The following CCT6B variants were observed in gnomAD, a reference collection of about 807,000 sequenced individuals.
CCT6B encodes probable T-complex protein 1 subunit zeta-2.
CCT6B carries 49 observed loss-of-function variants against 61.5 expected under a neutral mutation model. The observed-to-expected ratio is 0.80, with a 90% CI of 0.63 to 1.01. The LOEUF is 1.01. Among genes scored for constraint, CCT6B ranks in the 50% least tolerant of loss-of-function variants. The probability of loss-of-function intolerance (pLI) is 0.00; values close to 1 mark genes in which losing one functional copy is unlikely to be tolerated. For missense variants in CCT6B, 666 were observed against 634.7 expected, an observed-to-expected ratio of 1.05 and a Z score of -0.53; for synonymous variants, 228 against 214.5, an observed-to-expected ratio of 1.06 and a Z score of -0.55.
At chr17:34,939,098 T>C in intron 10 of CCT6B, 85 bp downstream of exon 10, 6 of 1,129,156 alleles carry the variant, frequency 5.3e-6, no homozygotes, top group Non-Finnish European at 6.4e-6. Flanking sequence ...TATACATATA[T>C]ACATACATAG....
At chr17:34,955,116 C>G (rs2090333845) in intron 3 of CCT6B, among the ~76,000 whole-genome samples, 1 of 152,142 alleles carries the variant, frequency 6.6e-6, no homozygotes, top group South Asian at 2.1e-4. Flanking sequence ...TAGGCAAATC[C>G]ACACTGAGGG....
At chr17:34,952,830 A>G (rs1183856207) in intron 4 of CCT6B, among the ~76,000 whole-genome samples, 1 of 152,220 alleles carries the variant, frequency 6.6e-6, no homozygotes, top group African/African-American at 2.4e-5. Context: ...GAGGTGACAT[A>G]ATATTTTATT....
At chr17:34,936,666 T>A (rs1413834483) in intron 10 of CCT6B, among the ~76,000 whole-genome samples, 2 of 152,176 alleles carry the variant, frequency 1.3e-5, no homozygotes, top group East Asian at 3.9e-4. Context: ...AAATAGCATA[T>A]ACAATAGCAA....
At position 34,927,999 on chromosome 17, in the gene CCT6B, A is replaced by G. The variant is rs1223620687; in HGVS notation, c.*49T>C. On this transcript the variant is annotated 3_prime_UTR_variant, in exon 14 of 14. Transcript: ENST00000314144. Reference sequence around the variant, plus strand: ...GGCTACACAATAGTAGTCAGATGTAAAGTGTACTAAATTTCATCTTCTAGA... The same window carrying G: ...GGCTACACAATAGTAGTCAGATGTAGAGTGTACTAAATTTCATCTTCTAGA... The G allele has an allele frequency of 3.0e-6, 4 of 1,339,780 alleles. No individual in the cohort carries two copies. Among genetic ancestry groups the G allele is most frequent in the African/African-American group, 1.4e-5 (1 of 68,970 alleles). The allele number at this position is 1,339,780 out of a possible 1,614,324, so 83.0% of individuals were successfully genotyped here.
At chr17:34,954,129 TA>T (rs1190013755) in intron 4 of CCT6B, among the ~76,000 whole-genome samples, 1 of 152,148 alleles carries the variant, frequency 6.6e-6, no homozygotes, top group African/African-American at 2.4e-5. Context: ...CTGCTAGATT[TA>T]AAAAGACCAG....
chr17:34,958,507 TA>T, intron 3 of CCT6B, 52 bp downstream of exon 3: 4 of 1,190,782 alleles, frequency 3.4e-6, no homozygotes, highest in Middle Eastern at 2.3e-4. Context: ...TTTTACTAGT[TA>T]AAAAAATAAT....
At chr17:34,945,066 A>G (rs1227187123) in intron 5 of CCT6B, among the ~76,000 whole-genome samples, 1 of 152,192 alleles carries the variant, frequency 6.6e-6, no homozygotes, top group Non-Finnish European at 1.5e-5. Flanking sequence ...CTTCTGGGAC[A>G]CCACTCTCCC....
chr17:34,935,692 C>T (rs1023557457), intron 10 of CCT6B, among the ~76,000 whole-genome samples: 4 of 152,052 alleles, frequency 2.6e-5, no homozygotes, highest in South Asian at 2.1e-4. Context: ...TCCATCTCTA[C>T]TGAAACATAC....
At chr17:34,951,362 G>A (rs946714791) in intron 5 of CCT6B, among the ~76,000 whole-genome samples, 1 of 152,148 alleles carries the variant, frequency 6.6e-6, no homozygotes, top group Non-Finnish European at 1.5e-5. Context: ...GGTGGGAGGG[G>A]GAAAGAGGGA....
intron 5 of CCT6B, 79 bp downstream of exon 5, chr17:34,951,871 A>G: frequency 1.6e-6 from 1 of 633,052 alleles, no homozygotes. Flanking sequence ...TGTTGAATAA[A>G]AGTAAGTAAT....
intron 11 of CCT6B, 28 bp from the exon 12 acceptor site, chr17:34,931,079 TTATATATATATGC>T: frequency 5.1e-6 from 4 of 779,684 alleles, no homozygotes; most frequent in South Asian, 3.0e-5. Flanking sequence ...ATAATATATA[TTATATATATATGC>T]ATAATACCTT....
At chr17:34,940,714 T>C (rs2090153766) in intron 7 of CCT6B, 93 bp from the exon 8 acceptor site, 1 of 532,112 alleles carries the variant, frequency 1.9e-6, no homozygotes. Context: ...CTCTTAAAAA[T>C]GATTAAGCAC....
chr17:34,930,821 A>T, intron 12 of CCT6B, 128 bp downstream of exon 12: 2 of 398,298 alleles, frequency 5.0e-6, no homozygotes, highest in Non-Finnish European at 9.2e-6. Flanking sequence ...AAGAAGCTCA[A>T]AAATAAACTA....
rs779533530 is a variant in CCT6B, at chr17:34,959,538, T to A, written c.201+49A>T. The A allele has an allele frequency of 1.7e-5, 23 of 1,321,618 alleles. 1 individual carries two copies. Among genetic ancestry groups the A allele is most frequent in the Admixed American group, 3.4e-5 (2 of 59,460 alleles). 81.9% of individuals were successfully genotyped at this position (1,321,618 alleles called of 1,614,324 possible). ...AAAGATACACAAGTTCTACTATGCT[T>A]CTAATTAAGGCTTATTAAGGTTTAT... On this transcript the variant is annotated intron_variant, in intron 2 of 13. Coordinates refer to ENST00000314144, the MANE Select transcript of CCT6B (RefSeq NM_006584.4).
rs1325909027 is a variant in CCT6B at position 34,940,545 on chromosome 17, A to G, written c.962T>C (p.Met321Thr). 2 of 1,552,234 alleles carry G rather than the reference A, an allele frequency of 1.3e-6. No homozygotes were observed. Among genetic ancestry groups the G allele is most frequent in the Admixed American group, 1.8e-5 (1 of 54,144 alleles). Residue 321 changes from methionine to threonine, a missense_variant, in exon 8 of 14, where the codon ATG (methionine) becomes ACG (threonine). Transcript: ENST00000314144. ...TAATTATCTGCAAGCTTACCTTTCC[A>G]TATTTCTTCTTTTTGCTCTGCGAAG... ...VALRRAKRRN[M>T]ERLSLACGGM...
At chr17:34,946,653 C>A (rs1445416779) in intron 5 of CCT6B, among the ~76,000 whole-genome samples, 1 of 152,038 alleles carries the variant, frequency 6.6e-6, no homozygotes, top group Non-Finnish European at 1.5e-5. Context: ...ATGCAAACTA[C>A]CTAAATGCCA....
chr17:34,937,442 T>A (rs1187829995), intron 10 of CCT6B, among the ~76,000 whole-genome samples: 2 of 152,148 alleles, frequency 1.3e-5, no homozygotes, highest in Non-Finnish European at 2.9e-5. Context: ...TGATTTTTTA[T>A]ACACGAGAAA....
chr17:34,945,382 CTTGAT>C (rs954233701), intron 5 of CCT6B, among the ~76,000 whole-genome samples: 18 of 152,176 alleles, frequency 1.2e-4, no homozygotes, highest in Admixed American at 9.2e-4. Context: ...AAACTGAACT[CTTGAT>C]TTATCTCCCC....
At position 34,939,598 on chromosome 17, in the gene CCT6B, TG is replaced by T. The variant is rs761155021; in HGVS notation, c.1065+18del. The T allele has an allele frequency of 6.9e-7, 1 of 1,448,156 alleles. No individual in the cohort carries two copies. The allele number at this position is 1,448,156 out of a possible 1,614,324, so 89.7% of individuals were successfully genotyped here. A position where few individuals can be genotyped will look rare whatever the true frequency, so the allele number is the denominator to read the frequency against. ...GGCTTAGTATTCACTTTATAACCAC[TG>T]TTCATAGAAATACTCACTAATGTAT... On this transcript the variant is annotated intron_variant, in intron 9 of 13. Transcript: ENST00000314144.
Sources: gnomAD v4.1 joint callset for allele counts (sites outside exome capture counted in the v4.1 genomes callset) on GRCh38, gnomAD v4.1.1 for gene constraint, MANE v1.5 for transcripts, NCBI Gene and HGNC (gene_info 2026-07-23, HGNC 2026-07-21) for gene names.